The following ABCB1 variants were observed in gnomAD, a reference collection of about 807,000 sequenced individuals.
ABCB1 encodes ATP-dependent translocase ABCB1.
A neutral mutation model predicts 142.0 loss-of-function variants in ABCB1; 69 were observed. That is an observed-to-expected ratio of 0.49 (90% CI 0.40 to 0.59). The LOEUF is 0.59. Among genes scored for constraint, ABCB1 ranks in the 20% least tolerant of loss-of-function variants. The pLI, the probability that ABCB1 is intolerant of heterozygous loss-of-function variation, is 0.00. For synonymous variants in ABCB1, 532 were observed against 539.2 expected, an observed-to-expected ratio of 0.99 and a Z score of 0.18; for missense variants, 1,326 against 1,554.7, an observed-to-expected ratio of 0.85 and a Z score of 2.47.
intron 1 of ABCB1, chr7:87,709,151 A>C (rs2028026): frequency 4.7e-5 from 25 of 529,990 alleles, no homozygotes; most frequent in Non-Finnish European, 6.0e-5. Context: ...ATTCAAATAC[A>C]GGAAACTAAA....
At chr7:87,565,817 G>T (rs1453460409) in intron 7 of ABCB1, among the ~76,000 whole-genome samples, 1 of 151,708 alleles carries the variant, frequency 6.6e-6, no homozygotes, top group Non-Finnish European at 1.5e-5. Flanking sequence ...AAAGGCAGAA[G>T]GTAGATATGA....
chr7:87,534,133 AG>A (rs1255832992), intron 20 of ABCB1, among the ~76,000 whole-genome samples: 1 of 152,178 alleles, frequency 6.6e-6, no homozygotes, highest in Non-Finnish European at 1.5e-5. Flanking sequence ...ATAACACCAG[AG>A]GAATTTGAGA....
At chr7:87,593,085 C>T (rs1028161629) in intron 3 of ABCB1, among the ~76,000 whole-genome samples, 3 of 152,098 alleles carry the variant, frequency 2.0e-5, no homozygotes, top group African/African-American at 7.2e-5. Context: ...TGCCACCATG[C>T]CCAGCTAATT....
chr7:87,530,813 GC>G (rs1816005479), intron 21 of ABCB1, among the ~76,000 whole-genome samples: 2 of 85,330 alleles, frequency 2.3e-5, no homozygotes, highest in Admixed American at 1.2e-4. Flanking sequence ...AAGCAAGAAA[GC>G]AAGAAAGCAA....
intron 24 of ABCB1, among the ~76,000 whole-genome samples, chr7:87,516,154 G>A (rs186875016): frequency 4.4e-4 from 67 of 152,242 alleles, no homozygotes; most frequent in Middle Eastern, 6.8e-3. Context: ...GCTGAGGCAG[G>A]AGGATCGCTT....
upstream of ABCB1, among the ~76,000 whole-genome samples, chr7:87,602,238 C>T (rs1221656717): frequency 4.0e-5 from 6 of 151,518 alleles, no homozygotes; most frequent in African/African-American, 1.5e-4. Flanking sequence ...CGTGATCCGC[C>T]CGCCTCGGCC....
intron 1 of ABCB1, among the ~76,000 whole-genome samples, chr7:87,628,112 G>T (rs1820783900): frequency 6.6e-6 from 1 of 152,190 alleles, no homozygotes; most frequent in Non-Finnish European, 1.5e-5. Flanking sequence ...TTAAAGCTTG[G>T]CTACAGGCAA....
At chr7:87,583,413 A>T (rs1299530994) in intron 4 of ABCB1, among the ~76,000 whole-genome samples, 2 of 152,240 alleles carry the variant, frequency 1.3e-5, no homozygotes, top group Non-Finnish European at 2.9e-5. Flanking sequence ...GAATAACAAA[A>T]GTAAACTTTC....
At chr7:87,582,047 A>C (rs559551698) in intron 4 of ABCB1, among the ~76,000 whole-genome samples, 43 of 152,330 alleles carry the variant, frequency 2.8e-4, no homozygotes, top group African/African-American at 1.0e-3. Context: ...GGTATCTGGC[A>C]GTCTGAATCT....
At chr7:87,628,106 A>C (rs968848102) in intron 1 of ABCB1, among the ~76,000 whole-genome samples, 1 of 152,166 alleles carries the variant, frequency 6.6e-6, no homozygotes, top group Non-Finnish European at 1.5e-5. Flanking sequence ...CAGCCGTTAA[A>C]GCTTGGCTAC....
chr7:87,704,596 A>G (rs1448773874), intron 1 of ABCB1, among the ~76,000 whole-genome samples: 1 of 152,242 alleles, frequency 6.6e-6, no homozygotes, highest in Non-Finnish European at 1.5e-5. Context: ...GCACAGCAAT[A>G]TGTTATCTAG....
In ABCB1 at chr7:87,560,480, C is replaced by A. The variant is rs541105364; in HGVS notation, c.827+783G>T. Among the ~76,000 whole-genome samples, 5 of 152,266 alleles carry A rather than the reference C, an allele frequency of 3.3e-5. No individual in the cohort carries two copies. In the East Asian group the frequency reaches 9.6e-4, roughly 29 times the overall value. On this transcript the variant is annotated intron_variant, in intron 8 of 27. Coordinates refer to ENST00000622132, the MANE Select transcript of ABCB1 (RefSeq NM_001348946.2). ...TGCTGTGTGTTCGGCTCTCCTTACA[C>A]AACTTCTCATCTTCCCTAGAGCTAA...
intron 21 of ABCB1, chr7:87,522,122 A>G: frequency 7.5e-7 from 1 of 1,339,040 alleles, no homozygotes. Flanking sequence ...CGTGGAGGAA[A>G]CTTCAGTGGT....
At chr7:87,618,735 A>C (rs1320799240) in intron 1 of ABCB1, among the ~76,000 whole-genome samples, 1 of 152,200 alleles carries the variant, frequency 6.6e-6, no homozygotes, top group African/African-American at 2.4e-5. Context: ...TAGGGAGATT[A>C]TCTAGGTAGG....
intron 4 of ABCB1, among the ~76,000 whole-genome samples, chr7:87,578,481 A>C (rs1310757702): frequency 1.3e-5 from 2 of 152,126 alleles, no homozygotes; most frequent in Non-Finnish European, 2.9e-5. Flanking sequence ...TAGCGATTGC[A>C]CTGTCTGTAG....
intron 1 of ABCB1, among the ~76,000 whole-genome samples, chr7:87,692,640 A>T (rs761297406): frequency 2.6e-5 from 4 of 152,166 alleles, no homozygotes; most frequent in Non-Finnish European, 5.9e-5. Context: ...TTTTACTTTG[A>T]TAAGTTTTTA....
chr7:87,673,243 C>T (rs1349074060), intron 1 of ABCB1, among the ~76,000 whole-genome samples: 1 of 152,122 alleles, frequency 6.6e-6, no homozygotes, highest in Non-Finnish European at 1.5e-5. Context: ...CTCTGCATAT[C>T]TTGAATTTGA....
chr7:87,566,741 G>A (rs1817797513), intron 6 of ABCB1, 44 bp downstream of exon 6: 2 of 1,572,288 alleles, frequency 1.3e-6, no homozygotes, highest in East Asian at 2.2e-5. Context: ...ATTTTACTAA[G>A]GATAAGAACG....
intron 1 of ABCB1, chr7:87,700,303 C>T (rs1473560800): frequency 3.9e-6 from 3 of 761,056 alleles, no homozygotes; most frequent in Non-Finnish European, 6.0e-6. Context: ...TTGGTGGTGC[C>T]CTTGCCATTA....
Sources: allele counts gnomAD v4.1 joint callset (sites outside exome capture counted in the v4.1 genomes callset), GRCh38; gene constraint gnomAD v4.1.1; transcripts MANE v1.5; gene names NCBI Gene and HGNC (gene_info 2026-07-23, HGNC 2026-07-21).